Variants in C4orf36 observed in about 807,000 individuals in gnomAD.
C4orf36 encodes uncharacterized protein C4orf36.
C4orf36 carries 11 observed loss-of-function variants against 12.2 expected under a neutral mutation model. The ratio of observed to expected loss-of-function variants is 0.90; its 90% CI spans 0.57 to 1.49. C4orf36 has a LOEUF of 1.49. Ranked by LOEUF, C4orf36 falls within the 40% of genes most tolerant of loss-of-function variation. The pLI is 0.00. For missense variants in C4orf36, 137 were observed against 133.9 expected (o/e 1.02, Z -0.11); for synonymous variants, 54 against 51.3 (o/e 1.05, Z -0.22).
chr4:86,884,322 T>G (rs1313180252), intron 4 of C4orf36, among the ~76,000 whole-genome samples: 2 of 83,584 alleles, frequency 2.4e-5, no homozygotes, highest in Admixed American at 1.5e-4. Context: ...TTTTTTTTTT[T>G]GAGACACGTT....
At chr4:86,877,866 T>A (rs1043679302) in intron 4 of C4orf36, among the ~76,000 whole-genome samples, 1 of 152,200 alleles carries the variant, frequency 6.6e-6, no homozygotes, top group Admixed American at 6.5e-5. Flanking sequence ...AATCTGCATT[T>A]CTATAATTAC....
the C4orf36 span, among the ~76,000 whole-genome samples, chr4:86,904,099 G>A: frequency 4.6e-5 from 7 of 152,212 alleles, no homozygotes; most frequent in Non-Finnish European, 8.8e-5. Context: ...TCACTGGCAC[G>A]CTGGCACTCG....
chr4:86,887,625 A>G, intron 4 of C4orf36, 133 bp downstream of exon 4: 1 of 1,052,138 alleles, frequency 9.5e-7, no homozygotes, highest in South Asian at 1.7e-5. Context: ...GTACTAACCC[A>G]CAGCTGTGGG....
At chr4:86,900,315 G>T in the C4orf36 span, among the ~76,000 whole-genome samples, 1 of 152,150 alleles carries the variant, frequency 6.6e-6, no homozygotes, top group Non-Finnish European at 1.5e-5. Flanking sequence ...TTACAGGAGT[G>T]AGCCACCGCA....
chr4:86,917,494 GAGAA>G, the C4orf36 span, among the ~76,000 whole-genome samples: 32,487 of 143,058 alleles, frequency 0.23, 4,093 homozygotes, highest in East Asian at 0.29. Context: ...AAGAAAGGGA[GAGAA>G]AGAAAGAGAA....
At chr4:86,900,310 G>C in the C4orf36 span, among the ~76,000 whole-genome samples, 5 of 152,144 alleles carry the variant, frequency 3.3e-5, no homozygotes, top group East Asian at 5.8e-4. Context: ...TGGGATTACA[G>C]GAGTGAGCCA....
At chr4:86,892,050 G>C (rs1169811167) in intron 1 of C4orf36, 133 bp downstream of exon 1, 1 of 986,270 alleles carries the variant, frequency 1.0e-6, no homozygotes, top group Non-Finnish European at 1.2e-6. Context: ...CCGATTCGGG[G>C]CGAGTCCCCT....
At chr4:86,909,646 G>A in the C4orf36 span, among the ~76,000 whole-genome samples, 2 of 151,976 alleles carry the variant, frequency 1.3e-5, no homozygotes, top group African/African-American at 4.8e-5. Flanking sequence ...TATAAGCCTC[G>A]TGAAAGTGAA....
chr4:86,885,227 C>A (rs1747147867), intron 4 of C4orf36, among the ~76,000 whole-genome samples: 1 of 152,086 alleles, frequency 6.6e-6, no homozygotes, highest in Non-Finnish European at 1.5e-5. Context: ...TTTTCCAATT[C>A]TGTGAAGAAA....
the C4orf36 span, among the ~76,000 whole-genome samples, chr4:86,903,229 A>G: frequency 6.6e-6 from 1 of 152,246 alleles, no homozygotes; most frequent in Non-Finnish European, 1.5e-5. Context: ...GTAAGTGGCC[A>G]GGCCCGGTGG....
chr4:86,889,761 CA>C (rs1463084882), intron 2 of C4orf36, among the ~76,000 whole-genome samples: 2 of 152,042 alleles, frequency 1.3e-5, no homozygotes, highest in African/African-American at 4.8e-5. Flanking sequence ...ACAAAAAAAT[CA>C]AAAAATTAGC....
At position 86,891,515 on chromosome 4, in the gene C4orf36, C is replaced by T. The variant is rs770626256; in HGVS notation, c.6G>A (p.Ala2=). The part of the protein sequence containing the change: M[A]YGVPRKNTVK... ...CTGTGTTCTTTCTTGGCACTCCATA[C>T]GCCATGGTGAGTTATTACGGTATGA... The change falls in exon 2 of 5, where the codon GCG becomes GCA. Residue 2 remains alanine, a synonymous_variant. Coordinates refer to ENST00000295898, the MANE Select transcript of C4orf36 (RefSeq NM_144645.4). 5.6e-6 allele frequency: 9 copies of T among 1,613,836 alleles called. No homozygotes were observed. The Admixed American group carries it at 1.0e-4, about 18-fold the overall frequency.
chr4:86,935,268 C>T, the C4orf36 span: 1 of 152,442 alleles, frequency 6.6e-6, no homozygotes, highest in South Asian at 2.1e-4. Context: ...CCACCCAGGG[C>T]TGGGGGTCGA....
chr4:86,885,162 G>T (rs993137219), intron 4 of C4orf36, among the ~76,000 whole-genome samples: 6 of 152,150 alleles, frequency 3.9e-5, no homozygotes, highest in African/African-American at 1.4e-4. Flanking sequence ...TTTGGCTTAG[G>T]ATTGACTTGG....
the C4orf36 span, among the ~76,000 whole-genome samples, chr4:86,899,407 T>G: frequency 6.6e-6 from 1 of 152,150 alleles, no homozygotes; most frequent in Non-Finnish European, 1.5e-5. Context: ...ATAATAACAT[T>G]TAAAAATTAA....
the C4orf36 span, among the ~76,000 whole-genome samples, chr4:86,910,053 AAAG>A: frequency 6.6e-6 from 1 of 151,976 alleles, no homozygotes; most frequent in Non-Finnish European, 1.5e-5. Flanking sequence ...AGACTGAAAT[AAAG>A]AAGTAGAAGG....
the C4orf36 span, among the ~76,000 whole-genome samples, chr4:86,911,605 G>C: frequency 6.6e-6 from 1 of 152,134 alleles, no homozygotes; most frequent in African/African-American, 2.4e-5. Context: ...ATGCCTTCCT[G>C]GTGTTCCAGG....
At chr4:86,913,555 G>T in the C4orf36 span, 2 of 1,052,314 alleles carry the variant, frequency 1.9e-6, no homozygotes, top group Non-Finnish European at 1.5e-6. Context: ...AGAGCGTTGG[G>T]CAGCAGTCAT....
At chr4:86,927,760 C>G in the C4orf36 span, among the ~76,000 whole-genome samples, 1 of 150,688 alleles carries the variant, frequency 6.6e-6, no homozygotes, top group Non-Finnish European at 1.5e-5. Flanking sequence ...GATCACGCCA[C>G]TGCACTCCAG....
Sources: allele counts gnomAD v4.1 joint callset (sites outside exome capture counted in the v4.1 genomes callset), GRCh38; gene constraint gnomAD v4.1.1; transcripts MANE v1.5; gene names NCBI Gene and HGNC (gene_info 2026-07-23, HGNC 2026-07-21).